Variants in FAM167A observed in about 807,000 individuals in gnomAD.
The protein encoded by FAM167A is protein FAM167A.
Under a neutral mutation model 14.9 loss-of-function variants are expected in FAM167A, and 23 were observed. The observed-to-expected ratio is 1.55, with a 90% CI of 1.11 to 2.19. The LOEUF (loss-of-function observed/expected upper bound fraction) is 2.19, where lower values mean the gene tolerates loss of function less well. Ranked by LOEUF, FAM167A falls within the 30% of genes most tolerant of loss-of-function variation. FAM167A has a pLI of 0.00. For synonymous variants in FAM167A, 174 were observed against 117.7 expected, an observed-to-expected ratio of 1.48 and a Z score of -3.10; for missense variants, 401 against 281.5, an observed-to-expected ratio of 1.42 and a Z score of -3.04.
chr8:11,467,305 G>A (rs1044757634), upstream of FAM167A, among the ~76,000 whole-genome samples: 1 of 152,280 alleles, frequency 6.6e-6, no homozygotes, highest in Non-Finnish European at 1.5e-5. Context: ...CCCGCCAGGG[G>A]CGCGGCATCG....
rs149609684 is a variant in FAM167A, at chr8:11,474,307, C to A, written c.-398+1559G>T. Reference sequence around the variant, plus strand: ...TTCAACAAGCAAACTGGCAGCATTCCTGGATATCTTAGCTGCCTTGTTTGT... The same window carrying A: ...TTCAACAAGCAAACTGGCAGCATTCATGGATATCTTAGCTGCCTTGTTTGT... On this transcript the variant is annotated intron_variant, in intron 1 of 1. Transcript: ENST00000648766. 2.2e-3 allele frequency among the ~76,000 whole-genome samples: 332 copies of A among 152,342 alleles called. 2 individuals are homozygous for A. The Middle Eastern group carries it at 0.031, about 14-fold the overall frequency.
At chr8:11,431,264 A>G (rs1392454797) in intron 2 of FAM167A, among the ~76,000 whole-genome samples, 1 of 152,274 alleles carries the variant, frequency 6.6e-6, no homozygotes, top group African/African-American at 2.4e-5. Flanking sequence ...TCTTGAGGAC[A>G]TTATGCTAAG....
chr8:11,451,688 GC>G (rs1390213551), intron 1 of FAM167A, among the ~76,000 whole-genome samples: 5 of 152,172 alleles, frequency 3.3e-5, no homozygotes, highest in African/African-American at 1.2e-4. Flanking sequence ...AGCTGTTCAG[GC>G]CCCGACTCTG....
At chr8:11,451,011 G>A (rs1329575903) in intron 1 of FAM167A, among the ~76,000 whole-genome samples, 1 of 152,236 alleles carries the variant, frequency 6.6e-6, no homozygotes, top group East Asian at 1.9e-4. Flanking sequence ...GGGCCTCCTT[G>A]GAGTCCAGTG....
intron 1 of FAM167A, among the ~76,000 whole-genome samples, chr8:11,475,790 C>T (rs946388743): frequency 1.3e-5 from 2 of 152,108 alleles, no homozygotes; most frequent in Admixed American, 6.5e-5. Context: ...GCTCTATGTC[C>T]CCTCCCCCAA....
At chr8:11,465,225 G>C (rs1317775097) in intron 1 of FAM167A, among the ~76,000 whole-genome samples, 2 of 152,198 alleles carry the variant, frequency 1.3e-5, no homozygotes, top group African/African-American at 2.4e-5. Context: ...CCACGACACA[G>C]TTCTCATTTC....
At chr8:11,445,821 TAA>T (rs5889365) in intron 1 of FAM167A, among the ~76,000 whole-genome samples, 1 of 149,358 alleles carries the variant, frequency 6.7e-6, no homozygotes, top group African/African-American at 2.5e-5. Context: ...GGGTGTGTTT[TAA>T]AAAAAAAAAT....
chr8:11,458,103 G>T (rs923384565), intron 1 of FAM167A, among the ~76,000 whole-genome samples: 5 of 152,024 alleles, frequency 3.3e-5, no homozygotes, highest in Admixed American at 2.0e-4. Flanking sequence ...ACAGCTTCAT[G>T]GGTAAGACTT....
At chr8:11,454,198 C>G (rs908836927) in intron 1 of FAM167A, among the ~76,000 whole-genome samples, 7 of 152,242 alleles carry the variant, frequency 4.6e-5, no homozygotes, top group African/African-American at 1.7e-4. Flanking sequence ...CATGGCTCTG[C>G]TGCCAAAGCC....
At chr8:11,439,556 G>A (rs951841997) in intron 2 of FAM167A, among the ~76,000 whole-genome samples, 1 of 134,712 alleles carries the variant, frequency 7.4e-6, no homozygotes, top group Admixed American at 8.2e-5. Context: ...ATGAAAACTT[G>A]TCAAGGTTCT....
chr8:11,432,326 G>A (rs1805662652), intron 2 of FAM167A, among the ~76,000 whole-genome samples: 2 of 152,180 alleles, frequency 1.3e-5, no homozygotes, highest in Non-Finnish European at 2.9e-5. Flanking sequence ...CTATCCATCT[G>A]ACAAAGGGCT....
chr8:11,466,639 AG>A lies in FAM167A; in HGVS notation c.-412del. The A allele has an allele frequency of 6.6e-6, 1 of 152,534 alleles. No individual in the cohort carries two copies. The highest frequency in any genetic ancestry group is 1.5e-5 in the Non-Finnish European group (1 of 68,214). 9.4% of individuals were successfully genotyped at this position (152,534 alleles called of 1,614,324 possible). ...GCGCGAACCCACCTTCCGGGAGCCC[AG>A]GGGCCCTGCTGGGGACTCGCCGGTG... On this transcript the variant is annotated 5_prime_UTR_variant, in exon 1 of 3. Transcript: ENST00000284486.
At chr8:11,455,762 G>C (rs1366951651) in intron 1 of FAM167A, among the ~76,000 whole-genome samples, 1 of 151,020 alleles carries the variant, frequency 6.6e-6, no homozygotes, top group Admixed American at 6.6e-5. Context: ...GCATGAGTGT[G>C]AGTGTATTGG....
At chr8:11,445,749 C>T (rs1390399613) in intron 1 of FAM167A, among the ~76,000 whole-genome samples, 1 of 151,770 alleles carries the variant, frequency 6.6e-6, no homozygotes. Context: ...GGGCAGTGGA[C>T]ATGGGTGAAT....
At chr8:11,455,952 G>T (rs1198690772) in intron 1 of FAM167A, among the ~76,000 whole-genome samples, 9 of 145,546 alleles carry the variant, frequency 6.2e-5, no homozygotes, top group Admixed American at 2.7e-4. Flanking sequence ...ATGTGGGGTG[G>T]TTGCCTTGCT....
rs1331328839 is a variant in FAM167A at position 11,444,223 on chromosome 8, C to T, written c.189G>A (p.Pro63=). 7 of 1,612,190 alleles carry T rather than the reference C, an allele frequency of 4.3e-6. No homozygotes were observed. The highest frequency in any genetic ancestry group is 2.7e-5 in the African/African-American group (2 of 74,918). ...LEEHTWPFPR[P]AAEPQASLEE... is the part of the protein sequence containing the mutation. ...CCAAGCTCGCCTGTGGCTCCGCAGCCGGCCTCGGGAAGGGCCAGGTATGCT... is the reference window on the plus strand; with the variant it reads ...CCAAGCTCGCCTGTGGCTCCGCAGCTGGCCTCGGGAAGGGCCAGGTATGCT... The change falls in exon 2 of 3, where the codon CCG becomes CCA. Residue 63 remains proline, a synonymous_variant. Transcript: ENST00000284486.
At chr8:11,434,976 T>A in intron 2 of FAM167A, 2 of 453,462 alleles carry the variant, frequency 4.4e-6, no homozygotes, top group Admixed American at 4.7e-5. Flanking sequence ...ACCCCTGCAT[T>A]TGGGTCCTCT....
At chr8:11,455,556 G>T (rs1182581361) in intron 1 of FAM167A, among the ~76,000 whole-genome samples, 1 of 143,944 alleles carries the variant, frequency 6.9e-6, no homozygotes, top group African/African-American at 2.6e-5. Flanking sequence ...TGAGTGTGGG[G>T]GGTGGTTGCC....
Position 11,421,713 on chromosome 8 carries a change from AC to A in FAM167A, c.*2659del. 2 of 399,004 alleles carry A rather than the reference AC, an allele frequency of 5.0e-6. No individual in the cohort carries two copies. Among genetic ancestry groups the A allele is most frequent in the Non-Finnish European group, 8.8e-6 (2 of 226,070 alleles). 24.7% of individuals were successfully genotyped at this position (399,004 alleles called of 1,614,324 possible). A position where few individuals can be genotyped will look rare whatever the true frequency, so the allele number is the denominator to read the frequency against. ...CCCCTGAAGGCATCAAGACATGACC[AC>A]GCATGGCAGTGTCGGTGGAGAGTTT... On this transcript the variant is annotated 3_prime_UTR_variant, in exon 3 of 3. Transcript: ENST00000284486.
Sources: gnomAD v4.1 joint callset for allele counts (sites outside exome capture counted in the v4.1 genomes callset) on GRCh38, gnomAD v4.1.1 for gene constraint, MANE v1.5 for transcripts, NCBI Gene and HGNC (gene_info 2026-07-23, HGNC 2026-07-21) for gene names.